PTPRA: variants seen among roughly 807,000 people sequenced by gnomAD.
PTPRA encodes receptor-type tyrosine-protein phosphatase alpha.
A neutral mutation model predicts 104.8 loss-of-function variants in PTPRA; 25 were observed. The observed-to-expected ratio is 0.24, with a 90% CI of 0.17 to 0.33. PTPRA has a LOEUF of 0.33. Ranked by LOEUF, PTPRA falls within the 10% of genes least tolerant of loss-of-function variation. PTPRA has a pLI of 1.00. For synonymous variants in PTPRA, 323 were observed against 368.9 expected, an observed-to-expected ratio of 0.88 and a Z score of 1.43; for missense variants, 765 against 1,015.3, an observed-to-expected ratio of 0.75 and a Z score of 3.35.
intron 1 of PTPRA, among the ~76,000 whole-genome samples, chr20:2,892,847 G>A (rs947682363): frequency 7.2e-5 from 11 of 152,208 alleles, no homozygotes; most frequent in Admixed American, 5.2e-4. Flanking sequence ...AGTGAGCCAA[G>A]CCTCACTTAG....
At chr20:2,939,896 G>A (rs1225439389) in intron 2 of PTPRA, among the ~76,000 whole-genome samples, 2 of 152,134 alleles carry the variant, frequency 1.3e-5, no homozygotes, top group African/African-American at 2.4e-5. Context: ...CACCTGAGGT[G>A]AGGAGTTCGA....
the PTPRA span, chr20:2,864,278 A>T: frequency 6.2e-7 from 1 of 1,614,194 alleles, no homozygotes; most frequent in Non-Finnish European, 8.5e-7. The surrounding 1 kb of genome is among the most constrained non-coding windows in gnomAD (Gnocchi z 5.2). Flanking sequence ...GAGCGGGGAC[A>T]CTGACCTGGG....
At chr20:2,931,179 C>G (rs1230950679) in intron 2 of PTPRA, among the ~76,000 whole-genome samples, 1 of 152,122 alleles carries the variant, frequency 6.6e-6, no homozygotes, top group Non-Finnish European at 1.5e-5. Context: ...AGCTCCCTCT[C>G]TCTCCCTGTG....
chr20:2,865,289 G>C, the PTPRA span: 1 of 1,614,140 alleles, frequency 6.2e-7, no homozygotes, highest in Non-Finnish European at 8.5e-7. The surrounding 1 kb of genome is among the most constrained non-coding windows in gnomAD (Gnocchi z 5.2). Flanking sequence ...AGAGCAGCTG[G>C]CACGTGACTT....
At chr20:2,925,673 G>T (rs1307831536) in intron 2 of PTPRA, among the ~76,000 whole-genome samples, 1 of 152,082 alleles carries the variant, frequency 6.6e-6, no homozygotes, top group African/African-American at 2.4e-5. Context: ...AATTAGCCAG[G>T]CATGGTGCTG....
Position 3,021,562 on chromosome 20 carries a change from G to A in PTPRA, c.1161+134G>A, listed in dbSNP as rs1200513699. On this transcript the variant is annotated intron_variant, in intron 14 of 23. Transcript: ENST00000399903. Reference sequence around the variant, plus strand: ...TGTGAATTCTGAAACCAGATATCCGGGCTCAGGGGAACTTGTCTGTCAAAG... The same window carrying A: ...TGTGAATTCTGAAACCAGATATCCGAGCTCAGGGGAACTTGTCTGTCAAAG... 6.2e-6 allele frequency: 8 copies of A among 1,281,914 alleles called. No homozygotes were observed. The African/African-American group carries it at 7.5e-5, about 12-fold the overall frequency. 79.4% of individuals were successfully genotyped at this position (1,281,914 alleles called of 1,614,324 possible).
At chr20:2,894,759 G>A (rs2058930009) in intron 1 of PTPRA, among the ~76,000 whole-genome samples, 1 of 152,098 alleles carries the variant, frequency 6.6e-6, no homozygotes. Context: ...GGCTGAGGCG[G>A]GTGGATCACG....
intron 9 of PTPRA, among the ~76,000 whole-genome samples, chr20:3,001,305 A>G (rs538037057): frequency 6.6e-6 from 1 of 152,296 alleles, no homozygotes; most frequent in African/African-American, 2.4e-5. Context: ...TTGTTAAACA[A>G]TGGCTCCTGT....
At chr20:3,009,565 GA>G (rs2064057349) in intron 11 of PTPRA, among the ~76,000 whole-genome samples, 1 of 152,150 alleles carries the variant, frequency 6.6e-6, no homozygotes, top group South Asian at 2.1e-4. Flanking sequence ...ATTCTCACTG[GA>G]GTGAATTTGC....
chr20:2,986,025 CA>C (rs1432708243), intron 6 of PTPRA, among the ~76,000 whole-genome samples: 2 of 152,178 alleles, frequency 1.3e-5, no homozygotes, highest in African/African-American at 4.8e-5. Context: ...CCTCCTACCT[CA>C]GCCTCCTGAG....
At chr20:2,974,156 G>C (rs1482857644) in intron 5 of PTPRA, among the ~76,000 whole-genome samples, 2 of 151,296 alleles carry the variant, frequency 1.3e-5, no homozygotes, top group African/African-American at 4.9e-5. Flanking sequence ...GGGTTTCACT[G>C]TGTTACCCAG....
In PTPRA at chr20:2,931,905, A is replaced by G. The variant is rs768748506; in HGVS notation, c.-50+8620A>G. Among the ~76,000 whole-genome samples the G allele has an allele frequency of 2.0e-4, 30 of 152,262 alleles. 1 individual carries two copies. Among genetic ancestry groups the G allele is most frequent in the South Asian group, 6.2e-4 (3 of 4,830 alleles). The stretch of plus-strand genomic sequence containing the variant: ...GGCTTTTTAAAGGCCATCATCTAGC[A>G]CAGTGCCTGGCTTTTCAATGGAAGT... On this transcript the variant is annotated intron_variant, in intron 2 of 23. Transcript: ENST00000399903.
intron 2 of PTPRA, among the ~76,000 whole-genome samples, chr20:2,933,663 G>T (rs1463645125): frequency 6.6e-6 from 1 of 152,054 alleles, no homozygotes; most frequent in African/African-American, 2.4e-5. Flanking sequence ...GTTTCACGAT[G>T]TTGGCTAGGG....
chr20:3,035,722 C>A lies in PTPRA; in HGVS notation c.2046+12C>A. The A allele has an allele frequency of 6.2e-7, 1 of 1,614,096 alleles. No individual in the cohort carries two copies. Among genetic ancestry groups the A allele is most frequent in the South Asian group, 1.1e-5 (1 of 91,062 alleles). On this transcript the variant is annotated intron_variant, in intron 21 of 23. Transcript: ENST00000399903. This position sits in a 1 kb window ranked among gnomAD's most constrained non-coding sequence, Gnocchi z 5.8. ...TCACCAACACCAGGGTAAGATGGGT[C>A]GTGGGTGGACTCTGCCCACAGGAAA...
At chr20:2,906,417 C>T (rs532172718) in intron 1 of PTPRA, among the ~76,000 whole-genome samples, 9 of 152,198 alleles carry the variant, frequency 5.9e-5, no homozygotes, top group Non-Finnish European at 1.0e-4. Flanking sequence ...ATTATCTGAT[C>T]CTCCTATAAA....
chr20:2,936,487 G>T (rs1032627122), intron 2 of PTPRA, among the ~76,000 whole-genome samples: 1 of 151,796 alleles, frequency 6.6e-6, no homozygotes. Context: ...TTGAGACAGG[G>T]TCTCACTTTT....
intron 3 of PTPRA, among the ~76,000 whole-genome samples, chr20:2,958,652 C>A (rs1258984118): frequency 1.8e-5 from 2 of 112,246 alleles, no homozygotes; most frequent in African/African-American, 6.6e-5. Flanking sequence ...GAAACCCCAT[C>A]TCTACTAAAA....
At chr20:2,878,490 G>A (rs574586644) in intron 1 of PTPRA, among the ~76,000 whole-genome samples, 43 of 152,348 alleles carry the variant, frequency 2.8e-4, no homozygotes, top group African/African-American at 9.6e-4. Flanking sequence ...GATTACAGGT[G>A]TGAGCCACCA....
chr20:2,958,483 T>C (rs1021731552), intron 3 of PTPRA, among the ~76,000 whole-genome samples: 2 of 151,398 alleles, frequency 1.3e-5, no homozygotes, highest in African/African-American at 4.9e-5. Context: ...CCACTTACAG[T>C]GTCTTCAGTG....
Sources: allele counts gnomAD v4.1 joint callset (sites outside exome capture counted in the v4.1 genomes callset), GRCh38; gene constraint gnomAD v4.1.1; non-coding constraint Gnocchi (gnomAD v3.1); transcripts MANE v1.5; gene names NCBI Gene and HGNC (gene_info 2026-07-23, HGNC 2026-07-21).